Variants in NELL1 observed in about 807,000 individuals in gnomAD.
NELL1 encodes neural EGFL like 1.
A neutral mutation model predicts 107.4 loss-of-function variants in NELL1; 76 were observed. That is an observed-to-expected ratio of 0.71 (90% CI 0.59 to 0.86). The LOEUF is 0.86. Among genes scored for constraint, NELL1 ranks in the 40% least tolerant of loss-of-function variants. The probability of loss-of-function intolerance (pLI) is 0.00; values close to 1 mark genes in which losing one functional copy is unlikely to be tolerated. For missense variants in NELL1, 1,024 were observed against 1,005.5 expected (o/e 1.02, Z -0.25); for synonymous variants, 353 against 341.2 (o/e 1.03, Z -0.38).
At chr11:21,427,374 A>G (rs1377455371) in intron 15 of NELL1, among the ~76,000 whole-genome samples, 1 of 152,222 alleles carries the variant, frequency 6.6e-6, no homozygotes, top group East Asian at 1.9e-4. Context: ...CTAACAGGGA[A>G]AGGGGAAAGT....
At chr11:21,019,955 T>C (rs1852659165) in intron 12 of NELL1, among the ~76,000 whole-genome samples, 1 of 152,104 alleles carries the variant, frequency 6.6e-6, no homozygotes, top group African/African-American at 2.4e-5. Flanking sequence ...TTGTTATCAA[T>C]ATTTGCTAAT....
chr11:21,233,010 T>C (rs1204655491), intron 14 of NELL1, among the ~76,000 whole-genome samples: 1 of 152,226 alleles, frequency 6.6e-6, no homozygotes, highest in South Asian at 2.1e-4. Context: ...GACATGGTAT[T>C]GTTCATAGAC....
At chr11:21,166,246 G>A (rs1403367118) in intron 13 of NELL1, among the ~76,000 whole-genome samples, 1 of 151,502 alleles carries the variant, frequency 6.6e-6, no homozygotes, top group African/African-American at 2.4e-5. Context: ...AGTTGGAGGA[G>A]TGGGGGTGAG....
chr11:20,775,807 G>T (rs1856739439), intron 2 of NELL1, among the ~76,000 whole-genome samples: 1 of 152,146 alleles, frequency 6.6e-6, no homozygotes, highest in Non-Finnish European at 1.5e-5. Context: ...TCTTTTGATC[G>T]AATGGCACAG....
chr11:20,933,611 C>G (rs1424231039), intron 9 of NELL1, among the ~76,000 whole-genome samples: 1 of 152,148 alleles, frequency 6.6e-6, no homozygotes, highest in East Asian at 1.9e-4. Flanking sequence ...AAGTGTAAAA[C>G]AGTGTGCTGA....
chr11:20,919,214 C>A, intron 6 of NELL1, 38 bp from the exon 7 acceptor site: 1 of 1,231,514 alleles, frequency 8.1e-7, no homozygotes, highest in Non-Finnish European at 1.2e-6. Flanking sequence ...TATATTAGCA[C>A]AATATAAATA....
At chr11:21,495,058 AAATC>A (rs1197639985) in intron 15 of NELL1, among the ~76,000 whole-genome samples, 1 of 152,138 alleles carries the variant, frequency 6.6e-6, no homozygotes, top group Non-Finnish European at 1.5e-5. Context: ...ACATATGAGT[AAATC>A]AGTTTTTCAA....
At chr11:20,985,393 ATTCAACT>A (rs1201452007) in intron 12 of NELL1, among the ~76,000 whole-genome samples, 1 of 152,202 alleles carries the variant, frequency 6.6e-6, no homozygotes, top group African/African-American at 2.4e-5. Context: ...ATCTGTCTAT[ATTCAACT>A]TTGCTGAGTG....
At chr11:20,692,115 G>A (rs1223972460) in intron 2 of NELL1, among the ~76,000 whole-genome samples, 5 of 151,832 alleles carry the variant, frequency 3.3e-5, no homozygotes, top group Middle Eastern at 3.4e-3. Context: ...GTATTTCTGT[G>A]GGATCGGTGG....
intron 16 of NELL1, among the ~76,000 whole-genome samples, chr11:21,559,105 G>GGAAAA (rs1343818472): frequency 3.9e-5 from 6 of 152,144 alleles, no homozygotes; most frequent in African/African-American, 1.4e-4. Context: ...ATTAGATCTT[G>GGAAAA]GAAAAAAGTA....
At chr11:21,070,947 T>C (rs988366482) in intron 12 of NELL1, among the ~76,000 whole-genome samples, 22 of 152,180 alleles carry the variant, frequency 1.4e-4, no homozygotes, top group African/African-American at 5.3e-4. Flanking sequence ...TCATGCTTAC[T>C]TAAAAACTGA....
At chr11:20,749,620 A>G (rs180749507) in intron 2 of NELL1, among the ~76,000 whole-genome samples, 33 of 152,208 alleles carry the variant, frequency 2.2e-4, no homozygotes, top group Middle Eastern at 3.4e-3. Context: ...TAAATAAAAT[A>G]ACATAAAATT....
intron 15 of NELL1, among the ~76,000 whole-genome samples, chr11:21,422,116 T>TACACACGCAC (rs1852691693): frequency 1.3e-5 from 2 of 151,474 alleles, no homozygotes; most frequent in South Asian, 4.2e-4. Context: ...TGTGTGTGTG[T>TACACACGCAC]GTGTGTGTAC....
At chr11:21,060,037 T>C (rs1177040672) in intron 12 of NELL1, among the ~76,000 whole-genome samples, 8 of 152,216 alleles carry the variant, frequency 5.3e-5, no homozygotes, top group Admixed American at 4.6e-4. Context: ...GCGTGCCTTA[T>C]GCTAATGAAC....
At chr11:21,541,371 A>G (rs1404516705) in intron 16 of NELL1, among the ~76,000 whole-genome samples, 1 of 152,142 alleles carries the variant, frequency 6.6e-6, no homozygotes, top group East Asian at 1.9e-4. Context: ...CATGGTCACC[A>G]TGCAAAGCAA....
chr11:21,448,417 TAC>T (rs1853496900), intron 15 of NELL1, among the ~76,000 whole-genome samples: 1 of 152,232 alleles, frequency 6.6e-6, no homozygotes, highest in African/African-American at 2.4e-5. Flanking sequence ...ACTTGCTAAC[TAC>T]GTTAAAATTA....
At chr11:21,352,303 G>C (rs1201492754) in intron 14 of NELL1, among the ~76,000 whole-genome samples, 1 of 152,068 alleles carries the variant, frequency 6.6e-6, no homozygotes, top group African/African-American at 2.4e-5. Flanking sequence ...TTCTCCACTA[G>C]AGGATAAGTT....
intron 15 of NELL1, among the ~76,000 whole-genome samples, chr11:21,479,528 A>C (rs772322497): frequency 5.3e-5 from 8 of 152,166 alleles, no homozygotes; most frequent in Non-Finnish European, 1.0e-4. Flanking sequence ...AAGGATGGTT[A>C]CCAGGGGCTG....
At chr11:21,342,571 G>A (rs764412035) in intron 14 of NELL1, among the ~76,000 whole-genome samples, 9 of 151,408 alleles carry the variant, frequency 5.9e-5, no homozygotes, top group Non-Finnish European at 7.4e-5. Context: ...TTGAGCCCAG[G>A]TAGTCGAGGC....
Sources: allele counts gnomAD v4.1 joint callset (sites outside exome capture counted in the v4.1 genomes callset), GRCh38; gene constraint gnomAD v4.1.1; transcripts MANE v1.5; gene names NCBI Gene and HGNC (gene_info 2026-07-23, HGNC 2026-07-21).